Variants in ERBB4 observed in about 807,000 individuals in gnomAD.
The protein encoded by ERBB4 is receptor tyrosine-protein kinase erbB-4.
In ERBB4, 42 loss-of-function variants were observed where a neutral mutation model predicts 158.0. The observed-to-expected ratio is 0.27, with a 90% CI of 0.21 to 0.34. The LOEUF is 0.34. Ranked by LOEUF, ERBB4 falls within the 10% of genes least tolerant of loss-of-function variation. ERBB4 has a pLI of 1.00. For synonymous variants in ERBB4, 583 were observed against 558.7 expected, an observed-to-expected ratio of 1.04 and a Z score of -0.61; for missense variants, 1,333 against 1,624.1, an observed-to-expected ratio of 0.82 and a Z score of 3.08.
chr2:211,409,666 T>TA (rs1369972735), intron 25 of ERBB4, among the ~76,000 whole-genome samples: 1 of 152,134 alleles, frequency 6.6e-6, no homozygotes, highest in African/African-American at 2.4e-5. Context: ...AGCCAATTGA[T>TA]ACTAAATCTC....
chr2:211,575,112 T>C (rs958076948), intron 19 of ERBB4, among the ~76,000 whole-genome samples: 1 of 152,226 alleles, frequency 6.6e-6, no homozygotes, highest in Non-Finnish European at 1.5e-5. Context: ...CCAGTTCACA[T>C]TGCATCCATA....
At chr2:211,565,529 G>A (rs188042882) in intron 19 of ERBB4, among the ~76,000 whole-genome samples, 5 of 152,178 alleles carry the variant, frequency 3.3e-5, no homozygotes, top group Non-Finnish European at 2.9e-5. Context: ...GGGACAGCAG[G>A]GTAGCTAGCA....
At chr2:212,473,965 C>T (rs1383449623) in intron 1 of ERBB4, among the ~76,000 whole-genome samples, 1 of 152,060 alleles carries the variant, frequency 6.6e-6, no homozygotes, top group Non-Finnish European at 1.5e-5. Flanking sequence ...TTGACAAGTA[C>T]TTCATAATAG....
intron 3 of ERBB4, among the ~76,000 whole-genome samples, chr2:211,850,274 C>T (rs769472406): frequency 1.5e-4 from 23 of 151,718 alleles, no homozygotes; most frequent in Non-Finnish European, 4.4e-5. Flanking sequence ...TCTTTGAGTT[C>T]TTCCACTTTA....
intron 1 of ERBB4, among the ~76,000 whole-genome samples, chr2:212,507,112 C>G (rs778014188): frequency 2.0e-5 from 3 of 151,808 alleles, no homozygotes; most frequent in Non-Finnish European, 4.4e-5. Context: ...TGCCTGTGCT[C>G]TATATGGAAC....
chr2:211,748,566 A>T (rs2106203840), intron 5 of ERBB4, among the ~76,000 whole-genome samples: 1 of 152,252 alleles, frequency 6.6e-6, no homozygotes, highest in South Asian at 2.1e-4. Flanking sequence ...CCTCCCTCAG[A>T]TCTATGGTGA....
chr2:212,415,556 T>C (rs917418400), intron 1 of ERBB4, among the ~76,000 whole-genome samples: 1 of 152,114 alleles, frequency 6.6e-6, no homozygotes, highest in Non-Finnish European at 1.5e-5. Context: ...TAAAGTTCTT[T>C]GGATGGAAGA....
intron 12 of ERBB4, among the ~76,000 whole-genome samples, chr2:211,693,446 C>T (rs2072896285): frequency 6.6e-6 from 1 of 152,016 alleles, no homozygotes; most frequent in Admixed American, 6.6e-5. Context: ...TCTTTTTCTC[C>T]CAAACCTATA....
intron 2 of ERBB4, among the ~76,000 whole-genome samples, chr2:211,996,261 GTTTAT>G (rs903640018): frequency 1.8e-3 from 270 of 151,118 alleles, no homozygotes; most frequent in African/African-American, 6.2e-3. Flanking sequence ...TAAAAATTTG[GTTTAT>G]TTTTTTTTTC....
At chr2:212,048,673 G>GAGATCCA (rs1276357870) in intron 2 of ERBB4, among the ~76,000 whole-genome samples, 1 of 152,136 alleles carries the variant, frequency 6.6e-6, no homozygotes, top group Non-Finnish European at 1.5e-5. Flanking sequence ...TGTAAAGTTT[G>GAGATCCA]AGATCCATAT....
intron 20 of ERBB4, among the ~76,000 whole-genome samples, chr2:211,533,361 C>T (rs369009677): frequency 6.6e-6 from 1 of 151,956 alleles, no homozygotes; most frequent in Non-Finnish European, 1.5e-5. Flanking sequence ...TTTCAAATAC[C>T]TATTTTTCAT....
intron 1 of ERBB4, among the ~76,000 whole-genome samples, chr2:212,377,267 TAATA>T (rs923843103): frequency 4.0e-5 from 6 of 148,468 alleles, no homozygotes; most frequent in Non-Finnish European, 8.9e-5. Context: ...CAAAAATATA[TAATA>T]AATATACATA....
chr2:211,924,696 C>T (rs1198144241), intron 3 of ERBB4, among the ~76,000 whole-genome samples: 1 of 151,928 alleles, frequency 6.6e-6, no homozygotes, highest in East Asian at 1.9e-4. Context: ...GGGATGTGAG[C>T]AGAAATAAGT....
intron 12 of ERBB4, 98 bp downstream of exon 12, chr2:211,701,869 A>G (rs2073267015): frequency 1.1e-6 from 1 of 911,482 alleles, no homozygotes; most frequent in African/African-American, 1.6e-5. Flanking sequence ...TAACAGAGCA[A>G]CAATTCTGAC....
At chr2:211,613,926 G>A (rs1024551720) in intron 19 of ERBB4, among the ~76,000 whole-genome samples, 3 of 151,908 alleles carry the variant, frequency 2.0e-5, no homozygotes, top group Admixed American at 6.6e-5. Flanking sequence ...GGGTATATAC[G>A]CAAAATAAAG....
At position 211,745,243 on chromosome 2, in the gene ERBB4, G is replaced by A. The variant is rs146797380; in HGVS notation, c.622+5396C>T. On this transcript the variant is annotated intron_variant, in intron 5 of 27. Coordinates refer to ENST00000342788, the MANE Select transcript of ERBB4 (RefSeq NM_005235.3). ...ATGGGGTCTCTGGAGGTCTCATATT[G>A]TTATGGAATCTCTCGTGAGAGCTAA... Among the ~76,000 whole-genome samples, 289 of 152,276 alleles carry A rather than the reference G, an allele frequency of 1.9e-3. 1 individual carries two copies. Among genetic ancestry groups the A allele is most frequent in the African/African-American group, 6.6e-3 (273 of 41,554 alleles).
intron 2 of ERBB4, among the ~76,000 whole-genome samples, chr2:211,962,750 T>C (rs988193529): frequency 1.3e-5 from 2 of 152,090 alleles, no homozygotes; most frequent in Non-Finnish European, 2.9e-5. Context: ...AATACAAAAA[T>C]ACTTCATGAC....
At chr2:212,217,602 A>G (rs2083142604) in intron 1 of ERBB4, among the ~76,000 whole-genome samples, 1 of 151,248 alleles carries the variant, frequency 6.6e-6, no homozygotes, top group African/African-American at 2.4e-5. Context: ...CAAAGGAAAA[A>G]GAAGGAAACG....
intron 9 of ERBB4, among the ~76,000 whole-genome samples, chr2:211,708,632 C>G (rs1219420744): frequency 6.6e-6 from 1 of 151,680 alleles, no homozygotes; most frequent in Admixed American, 6.6e-5. Flanking sequence ...CTCTCTCTCT[C>G]TCTCTCTCTC....
Sources: gnomAD v4.1 joint callset for allele counts (sites outside exome capture counted in the v4.1 genomes callset) on GRCh38, gnomAD v4.1.1 for gene constraint, MANE v1.5 for transcripts, NCBI Gene and HGNC (gene_info 2026-07-23, HGNC 2026-07-21) for gene names.